Variants in STX1B observed in about 807,000 individuals in gnomAD.
The protein encoded by STX1B is syntaxin 1B, also known as syntaxin-1B.
STX1B carries 7 observed loss-of-function variants against 39.4 expected under a neutral mutation model. The ratio of observed to expected loss-of-function variants is 0.18; its 90% CI spans 0.10 to 0.33. The LOEUF (loss-of-function observed/expected upper bound fraction) is 0.33. Ranked by LOEUF, STX1B falls within the 10% of genes least tolerant of loss-of-function variation. The pLI, the probability that STX1B is intolerant of heterozygous loss-of-function variation, is 1.00. For missense variants in STX1B, 198 were observed against 383.2 expected (o/e 0.52, Z 4.04); for synonymous variants, 136 against 144.1 (o/e 0.94, Z 0.40).
At chr16:31,003,491 T>C (rs2056641676) in intron 1 of STX1B, among the ~76,000 whole-genome samples, 1 of 152,152 alleles carries the variant, frequency 6.6e-6, no homozygotes, top group Admixed American at 6.5e-5. Context: ...TCCTCTGCCC[T>C]TTCTCTCCCT....
At position 31,010,540 on chromosome 16, in the gene STX1B, C is replaced by G. The variant is rs1364581041; in HGVS notation, c.-144G>C. 8.0e-6 allele frequency: 2 copies of G among 250,136 alleles called. No homozygotes were observed. Among genetic ancestry groups the G allele is most frequent in the Non-Finnish European group, 6.7e-6 (1 of 149,326 alleles). The allele number at this position is 250,136 out of a possible 1,614,324, so 15.5% of individuals were successfully genotyped here. A position where few individuals can be genotyped will look rare whatever the true frequency, so the allele number is the denominator to read the frequency against. On this transcript the variant is annotated 5_prime_UTR_variant, in exon 1 of 10. Transcript: ENST00000215095. ...GGGGGCCTGCGGGCGGGGGCGGGGCCGGGGGCGACTGGCCGAGGGCCGGGC... is the reference window on the plus strand; with the variant it reads ...GGGGGCCTGCGGGCGGGGGCGGGGCGGGGGGCGACTGGCCGAGGGCCGGGC...
rs1167171712 is a variant in STX1B, at chr16:30,992,690, C to T, written c.*131G>A. The T allele has an allele frequency of 6.9e-6, 3 of 433,628 alleles. No individual in the cohort carries two copies. Among genetic ancestry groups the T allele is most frequent in the Middle Eastern group, 5.4e-4 (1 of 1,852 alleles). 26.9% of individuals were successfully genotyped at this position (433,628 alleles called of 1,614,324 possible). A position where few individuals can be genotyped will look rare whatever the true frequency, so the allele number is the denominator to read the frequency against. On this transcript the variant is annotated 3_prime_UTR_variant, in exon 10 of 10. Coordinates refer to ENST00000215095, the MANE Select transcript of STX1B (RefSeq NM_052874.5). The stretch of plus-strand genomic sequence containing the variant: ...GAGGTCCAGGGACACCAGGGTCTGC[C>T]GTGGGGGTGGGGCTGCCTGGGTCTG...
At chr16:30,995,858 T>C (rs2056589031) in intron 7 of STX1B, among the ~76,000 whole-genome samples, 1 of 152,028 alleles carries the variant, frequency 6.6e-6, no homozygotes, top group African/African-American at 2.4e-5. Context: ...AAACTAAAAC[T>C]TGTTTTAAAA....
intron 1 of STX1B, among the ~76,000 whole-genome samples, chr16:31,005,470 CTTTTTT>C (rs35407745): frequency 2.1e-4 from 24 of 113,730 alleles, no homozygotes; most frequent in South Asian, 5.3e-4. Context: ...TTTCTTTTTC[CTTTTTT>C]TTTTTTTTTT....
Position 30,996,937 on chromosome 16 carries a change from G to A in STX1B, c.463+14C>T, listed in dbSNP as rs1359297716. On this transcript the variant is annotated intron_variant, in intron 6 of 9. Transcript: ENST00000215095. ...TCAAGGAGTTCGGGGTCCTGGGGTG[G>A]GGGGCACACGCACTGATCTCCAGTT... The A allele has an allele frequency of 6.2e-7, 1 of 1,607,450 alleles. No individual in the cohort carries two copies. The highest frequency in any genetic ancestry group is 8.5e-7 in the Non-Finnish European group (1 of 1,175,920).
chr16:30,992,951 C>G, intron 9 of STX1B, 50 bp from the exon 10 acceptor site: 1 of 1,512,256 alleles, frequency 6.6e-7, no homozygotes, highest in Non-Finnish European at 9.2e-7. Flanking sequence ...GAGATCGACA[C>G]ACGGACAGAT....
At chr16:30,993,967 CA>C (rs1320863689) in intron 7 of STX1B, among the ~76,000 whole-genome samples, 1 of 146,902 alleles carries the variant, frequency 6.8e-6, no homozygotes. Flanking sequence ...GCCTGGGCAA[CA>C]AGAGTGAAAT....
intron 1 of STX1B, among the ~76,000 whole-genome samples, chr16:31,005,470 C>CTTTT (rs35407745): frequency 2.5e-4 from 28 of 113,720 alleles, no homozygotes; most frequent in East Asian, 5.2e-4. Flanking sequence ...TTTCTTTTTC[C>CTTTT]TTTTTTTTTT....
At position 30,992,755 on chromosome 16, in the gene STX1B, G is replaced by A. The variant is rs1567376416; in HGVS notation, c.*66C>T. 2 of 980,082 alleles carry A rather than the reference G, an allele frequency of 2.0e-6. No individual in the cohort carries two copies. The allele number at this position is 980,082 out of a possible 1,614,324, so 60.7% of individuals were successfully genotyped here. On this transcript the variant is annotated 3_prime_UTR_variant, in exon 10 of 10. Coordinates refer to ENST00000215095, the MANE Select transcript of STX1B (RefSeq NM_052874.5). ...CTGGAGCAGGGGATGGAGTGAAAGG[G>A]GTGGTGGGGGTATTGCTCCCGATGT...
chr16:31,001,044 C>G lies in STX1B; in HGVS notation c.206-42G>C, dbSNP rs1267672936. ...GGCAAGTGAGATGTCTGGGTGGGAA[C>G]CCCAGGCCCCTTCTCCTCCCACCCC... On this transcript the variant is annotated intron_variant, in intron 3 of 9. Coordinates refer to ENST00000215095, the MANE Select transcript of STX1B (RefSeq NM_052874.5). This position sits in a 1 kb window ranked among gnomAD's most constrained non-coding sequence, Gnocchi z 5.5. 1 of 1,613,288 alleles carries G rather than the reference C, an allele frequency of 6.2e-7. No individual in the cohort carries two copies. The highest frequency in any genetic ancestry group is 1.7e-5 in the Admixed American group (1 of 60,020).
intron 7 of STX1B, among the ~76,000 whole-genome samples, chr16:30,995,749 C>T (rs1294041639): frequency 6.6e-6 from 1 of 152,122 alleles, no homozygotes; most frequent in African/African-American, 2.4e-5. Context: ...CCTTGGCCTC[C>T]CAAAGTGCTG....
chr16:31,002,435 C>A (rs1420336872), intron 1 of STX1B, among the ~76,000 whole-genome samples: 2 of 147,644 alleles, frequency 1.4e-5, no homozygotes, highest in African/African-American at 2.4e-5. Context: ...AGGAATAGGC[C>A]CCCCCGACAC....
chr16:30,997,612 C>T (rs768998993), intron 4 of STX1B, 37 bp from the exon 5 acceptor site: 40 of 1,574,808 alleles, frequency 2.5e-5, no homozygotes, highest in Non-Finnish European at 3.4e-5. Flanking sequence ...GCGGGAGACC[C>T]GGGGCACATG....
intron 7 of STX1B, among the ~76,000 whole-genome samples, chr16:30,994,223 C>T (rs1004477255): frequency 1.3e-5 from 2 of 150,592 alleles, no homozygotes; most frequent in Admixed American, 6.6e-5. Flanking sequence ...ACCCGGGAGG[C>T]GGAGCTTGCA....
At chr16:30,994,935 AAG>A (rs2056584357) in intron 7 of STX1B, among the ~76,000 whole-genome samples, 4 of 54,548 alleles carry the variant, frequency 7.3e-5, no homozygotes, top group Non-Finnish European at 1.6e-4. Flanking sequence ...TTGTTGAGAC[AAG>A]TTCTTGCTCT....
Position 30,992,463 on chromosome 16 carries a change from A to C in STX1B, c.*358T>G. The C allele has an allele frequency of 4.1e-6, 1 of 245,978 alleles. No individual in the cohort carries two copies. The highest frequency in any genetic ancestry group is 8.0e-6 in the Non-Finnish European group (1 of 125,074). 15.2% of individuals were successfully genotyped at this position (245,978 alleles called of 1,614,324 possible). A position where few individuals can be genotyped will look rare whatever the true frequency, so the allele number is the denominator to read the frequency against. ...GCAGTCTACACAACAGCCCCGGTGAAGGGGGAAGCTCAGACCACGCACACA... is the reference window on the plus strand; with the variant it reads ...GCAGTCTACACAACAGCCCCGGTGACGGGGGAAGCTCAGACCACGCACACA... On this transcript the variant is annotated 3_prime_UTR_variant, in exon 10 of 10. Transcript: ENST00000215095.
At chr16:30,998,540 T>C (rs533805371) in intron 4 of STX1B, among the ~76,000 whole-genome samples, 113 of 152,294 alleles carry the variant, frequency 7.4e-4, no homozygotes, top group Non-Finnish European at 1.4e-3. Context: ...TCTTACAGGA[T>C]CTCATTGACT....
Position 30,996,739 on chromosome 16 carries a change from T to G in STX1B, c.481A>C (p.Asn161His). The change falls in exon 7 of 10, where the codon AAC (asparagine) becomes CAC (histidine). Residue 161 changes from asparagine to histidine, a missense_variant. Physicochemically the swap from Asn to His is moderately conservative, Grantham distance 68. Coordinates refer to ENST00000215095, the MANE Select transcript of STX1B (RefSeq NM_052874.5). Reference protein sequence around the residue: ...QLEITGRTTTNEELEDMLESG... With the variant: ...QLEITGRTTTHEELEDMLESG... ...TCCAGCATGTCTTCCAGTTCTTCGT[T>G]GGTGGTGGTCCTTCCAGCTGCGGGA... The G allele has an allele frequency of 6.8e-6, 11 of 1,614,072 alleles. No homozygotes were observed. The highest frequency in any genetic ancestry group is 9.3e-6 in the Non-Finnish European group (11 of 1,179,964).
chr16:31,006,297 C>G (rs1022650923), intron 1 of STX1B, among the ~76,000 whole-genome samples: 3 of 152,288 alleles, frequency 2.0e-5, no homozygotes, highest in South Asian at 4.2e-4. Flanking sequence ...GCTCCCTCCC[C>G]CTGAGCAGCC....
Sources: gnomAD v4.1 joint callset for allele counts (sites outside exome capture counted in the v4.1 genomes callset) on GRCh38, gnomAD v4.1.1 for gene constraint, Gnocchi (gnomAD v3.1) non-coding constraint, MANE v1.5 for transcripts, NCBI Gene and HGNC (gene_info 2026-07-23, HGNC 2026-07-21) for gene names.